Variants in DAB1 observed in about 807,000 individuals in gnomAD.
DAB1 encodes disabled homolog 1.
DAB1 carries 15 observed loss-of-function variants against 64.6 expected under a neutral mutation model. The ratio of observed to expected loss-of-function variants is 0.23; its 90% CI spans 0.16 to 0.36. The LOEUF (loss-of-function observed/expected upper bound fraction) is 0.36. Among genes scored for constraint, DAB1 ranks in the 10% least tolerant of loss-of-function variants. DAB1 has a pLI of 1.00. For missense variants in DAB1, 596 were observed against 706.7 expected (o/e 0.84, Z 1.78); for synonymous variants, 235 against 251.9 (o/e 0.93, Z 0.64).
At chr1:57,439,422 TTTC>T (rs1193549777) in intron 7 of DAB1, among the ~76,000 whole-genome samples, 2,393 of 120,554 alleles carry the variant, frequency 0.02, 475 homozygotes, top group African/African-American at 0.081. Flanking sequence ...GATGAGGTTT[TTTC>T]TTTTTTTTTT....
chr1:57,651,231 A>AT (rs1646252901), intron 6 of DAB1, among the ~76,000 whole-genome samples: 2 of 152,260 alleles, frequency 1.3e-5, no homozygotes, highest in South Asian at 4.1e-4. Flanking sequence ...CAGCCTAGTG[A>AT]TTTTCCAATG....
intron 8 of DAB1, among the ~76,000 whole-genome samples, chr1:57,066,264 G>A (rs1411075613): frequency 6.6e-6 from 1 of 152,170 alleles, no homozygotes. Flanking sequence ...AGAATCAGAG[G>A]TTCTGACCTT....
chr1:57,699,188 AC>A (rs1423419751), intron 6 of DAB1, among the ~76,000 whole-genome samples: 1 of 152,098 alleles, frequency 6.6e-6, no homozygotes, highest in Non-Finnish European at 1.5e-5. Flanking sequence ...CAATTCTCCC[AC>A]TTTGGCCTCC....
At chr1:57,767,811 T>G (rs1557469329) in intron 6 of DAB1, among the ~76,000 whole-genome samples, 1 of 152,114 alleles carries the variant, frequency 6.6e-6, no homozygotes, top group African/African-American at 2.4e-5. Flanking sequence ...CCCTATGCTT[T>G]AGGAAGAATG....
chr1:57,070,357 CT>C (rs1158306164), intron 7 of DAB1, among the ~76,000 whole-genome samples: 2 of 152,170 alleles, frequency 1.3e-5, no homozygotes, highest in Non-Finnish European at 2.9e-5. Flanking sequence ...GAGAGGCTGT[CT>C]TTTCCCTTTT....
At chr1:57,124,259 A>G in intron 4 of DAB1, among the ~76,000 whole-genome samples, 1 of 152,248 alleles carries the variant, frequency 6.6e-6, no homozygotes, top group Middle Eastern at 3.2e-3. Context: ...ACCATAGGAC[A>G]CAGATAAAGG....
chr1:57,699,258 T>G (rs1219042704), intron 6 of DAB1, among the ~76,000 whole-genome samples: 1 of 152,148 alleles, frequency 6.6e-6, no homozygotes, highest in African/African-American at 2.4e-5. Context: ...TAATAGTAAC[T>G]TTTTAACATG....
At chr1:57,309,588 C>T (rs1674497163) in intron 1 of DAB1, among the ~76,000 whole-genome samples, 1 of 152,070 alleles carries the variant, frequency 6.6e-6, no homozygotes, top group African/African-American at 2.4e-5. Context: ...AAACATTTTC[C>T]TAGAACTCCA....
chr1:57,609,188 C>A (rs558338115), intron 7 of DAB1, among the ~76,000 whole-genome samples: 3 of 152,018 alleles, frequency 2.0e-5, no homozygotes, highest in South Asian at 2.1e-4. Context: ...ACAGTCAGTT[C>A]TCCGTATCTG....
At chr1:57,296,565 G>A (rs1223441878) in intron 1 of DAB1, among the ~76,000 whole-genome samples, 3 of 152,078 alleles carry the variant, frequency 2.0e-5, no homozygotes, top group East Asian at 1.9e-4. Flanking sequence ...AAAAAATGAT[G>A]AGAGAATTTT....
intron 6 of DAB1, among the ~76,000 whole-genome samples, chr1:57,664,123 G>C (rs1218558375): frequency 6.6e-6 from 1 of 151,970 alleles, no homozygotes; most frequent in Non-Finnish European, 1.5e-5. Context: ...GAATTAAATG[G>C]GGGAAAAAAA....
At chr1:57,772,723 G>A (rs1263074439) in intron 6 of DAB1, among the ~76,000 whole-genome samples, 3 of 151,928 alleles carry the variant, frequency 2.0e-5, no homozygotes, top group Non-Finnish European at 4.4e-5. Flanking sequence ...ATTCTAGTAG[G>A]CATTCTCATT....
At chr1:57,032,311 G>A (rs551267705) in intron 9 of DAB1, among the ~76,000 whole-genome samples, 2 of 152,140 alleles carry the variant, frequency 1.3e-5, no homozygotes, top group South Asian at 4.2e-4. Flanking sequence ...TACAGAGATA[G>A]GTAAGGCACA....
At chr1:57,838,877 A>G (rs941555146) in intron 1 of DAB1, among the ~76,000 whole-genome samples, 2 of 151,758 alleles carry the variant, frequency 1.3e-5, no homozygotes, top group East Asian at 3.9e-4. Flanking sequence ...CCTGGGCTCA[A>G]GCAATTCTCC....
At chr1:57,945,514 A>G (rs1645172589) in intron 5 of DAB1, among the ~76,000 whole-genome samples, 1 of 151,804 alleles carries the variant, frequency 6.6e-6, no homozygotes, top group Non-Finnish European at 1.5e-5. Context: ...TCATGGCTTC[A>G]AGCAATCCTC....
intron 5 of DAB1, among the ~76,000 whole-genome samples, chr1:58,086,501 C>T (rs1371321528): frequency 6.6e-6 from 1 of 152,244 alleles, no homozygotes; most frequent in East Asian, 1.9e-4. Flanking sequence ...GTGTAAGGCG[C>T]TGGGGAGAAG....
chr1:57,705,474 A>T (rs906636971), intron 6 of DAB1, among the ~76,000 whole-genome samples: 5 of 152,142 alleles, frequency 3.3e-5, no homozygotes, highest in Non-Finnish European at 7.4e-5. Flanking sequence ...TGCATTAAAA[A>T]TATATTTCTC....
At chr1:57,765,482 T>C (rs1649268025) in intron 6 of DAB1, among the ~76,000 whole-genome samples, 1 of 152,200 alleles carries the variant, frequency 6.6e-6, no homozygotes, top group South Asian at 2.1e-4. Context: ...CTCTGAGGAA[T>C]GTGAAAGCAG....
At chr1:57,355,079 ACTACACGTT>A (rs1474341193) in intron 1 of DAB1, among the ~76,000 whole-genome samples, 3 of 152,102 alleles carry the variant, frequency 2.0e-5, no homozygotes, top group Non-Finnish European at 4.4e-5. Context: ...GGATGAAACA[ACTACACGTT>A]CTTTTGCATG....
Sources: allele counts gnomAD v4.1 joint callset (sites outside exome capture counted in the v4.1 genomes callset), GRCh38; gene constraint gnomAD v4.1.1; transcripts MANE v1.5; gene names NCBI Gene and HGNC (gene_info 2026-07-23, HGNC 2026-07-21).